Variants in GALNT13 observed in about 807,000 individuals in gnomAD.
GALNT13 encodes the protein UDP-GalNAc:polypeptide N-acetylgalactosaminyltransferase 13.
In GALNT13, 28 loss-of-function variants were observed where a neutral mutation model predicts 64.2. The ratio of observed to expected loss-of-function variants is 0.44; its 90% CI spans 0.32 to 0.60. The LOEUF (loss-of-function observed/expected upper bound fraction) is 0.60. GALNT13 is among the 20% of genes least tolerant of loss of function. GALNT13 has a pLI of 0.05. For synonymous variants in GALNT13, 214 were observed against 224.6 expected (o/e 0.95, Z 0.42); for missense variants, 577 against 669.8 (o/e 0.86, Z 1.53).
intron 3 of GALNT13, among the ~76,000 whole-genome samples, chr2:153,962,592 T>C (rs1325074817): frequency 6.6e-6 from 1 of 152,244 alleles, no homozygotes; most frequent in Admixed American, 6.5e-5. Context: ...ACAGAACTCA[T>C]GGTTTAGCCA....
intron 3 of GALNT13, among the ~76,000 whole-genome samples, chr2:154,123,507 T>A (rs1158392132): frequency 6.6e-6 from 1 of 151,912 alleles, no homozygotes; most frequent in East Asian, 1.9e-4. Context: ...TAGACCCTTT[T>A]AAAAAGGCAC....
chr2:153,124,737 C>T, the GALNT13 span, among the ~76,000 whole-genome samples: 2 of 151,974 alleles, frequency 1.3e-5, no homozygotes, highest in Admixed American at 6.6e-5. Flanking sequence ...CTCTTGACCT[C>T]GTGATCTGCC....
At chr2:154,114,665 A>AG (rs1455287815) in intron 3 of GALNT13, among the ~76,000 whole-genome samples, 1 of 152,154 alleles carries the variant, frequency 6.6e-6, no homozygotes, top group Non-Finnish European at 1.5e-5. Flanking sequence ...AAATTGATTG[A>AG]GGGGCCATGT....
At chr2:154,142,902 C>CA (rs1427640627) in intron 4 of GALNT13, among the ~76,000 whole-genome samples, 2 of 151,626 alleles carry the variant, frequency 1.3e-5, no homozygotes, top group African/African-American at 4.8e-5. Context: ...TAAGCATATA[C>CA]AAAAAATATA....
the GALNT13 span, among the ~76,000 whole-genome samples, chr2:153,472,450 T>C: frequency 6.6e-6 from 1 of 151,836 alleles, no homozygotes; most frequent in Admixed American, 6.6e-5. Context: ...TGCCAGTGTT[T>C]TGTGGTTCAA....
At chr2:153,841,053 G>C in the GALNT13 span, among the ~76,000 whole-genome samples, 1 of 152,058 alleles carries the variant, frequency 6.6e-6, no homozygotes, top group East Asian at 1.9e-4. Context: ...AAAAATGTTA[G>C]AATCAGTCTT....
chr2:153,604,189 C>T, the GALNT13 span, among the ~76,000 whole-genome samples: 1 of 152,058 alleles, frequency 6.6e-6, no homozygotes, highest in Non-Finnish European at 1.5e-5. Context: ...ATTCTGACAA[C>T]TTCTGGGGCT....
chr2:153,282,223 T>G, the GALNT13 span, among the ~76,000 whole-genome samples: 1 of 152,194 alleles, frequency 6.6e-6, no homozygotes, highest in Non-Finnish European at 1.5e-5. Context: ...AGTTTTTCAA[T>G]TCCAAATGCT....
the GALNT13 span, among the ~76,000 whole-genome samples, chr2:153,139,830 C>T: frequency 2.0e-5 from 3 of 151,838 alleles, no homozygotes; most frequent in Non-Finnish European, 4.4e-5. Context: ...GGAGTAATTG[C>T]TTGAGTAATG....
At chr2:153,602,855 C>G in the GALNT13 span, among the ~76,000 whole-genome samples, 40,804 of 151,594 alleles carry the variant, frequency 0.27, 5,881 homozygotes, top group South Asian at 0.42. Context: ...AAAAAGTAAG[C>G]TGTAAAGATC....
chr2:153,086,064 C>CT, the GALNT13 span, among the ~76,000 whole-genome samples: 1 of 152,148 alleles, frequency 6.6e-6, no homozygotes, highest in East Asian at 1.9e-4. Context: ...GGATTTTGGA[C>CT]TTTCATGGGG....
the GALNT13 span, among the ~76,000 whole-genome samples, chr2:153,240,692 C>T: frequency 6.6e-6 from 1 of 152,106 alleles, no homozygotes; most frequent in Non-Finnish European, 1.5e-5. Flanking sequence ...TAACTGCAGC[C>T]CTATCACATT....
intron 2 of GALNT13, among the ~76,000 whole-genome samples, chr2:153,914,215 C>T (rs1689173522): frequency 6.6e-6 from 1 of 152,106 alleles, no homozygotes. Context: ...TGCTCTTGTT[C>T]ACAAATCAAA....
the GALNT13 span, among the ~76,000 whole-genome samples, chr2:153,727,836 G>A: frequency 6.6e-6 from 1 of 151,890 alleles, no homozygotes; most frequent in African/African-American, 2.4e-5. Flanking sequence ...CAATCAACCC[G>A]TCATTCAGGT....
chr2:153,451,554 A>C, the GALNT13 span, among the ~76,000 whole-genome samples: 1 of 152,302 alleles, frequency 6.6e-6, no homozygotes, highest in African/African-American at 2.4e-5. Context: ...AATTTGCCCA[A>C]GTTTATGCAG....
chr2:154,029,483 C>T (rs1399882230), intron 3 of GALNT13, among the ~76,000 whole-genome samples: 1 of 152,114 alleles, frequency 6.6e-6, no homozygotes, highest in African/African-American at 2.4e-5. Flanking sequence ...AATTTGAAGC[C>T]TGTGATGCCA....
intron 2 of GALNT13, among the ~76,000 whole-genome samples, chr2:153,914,139 G>C (rs1157874578): frequency 1.3e-5 from 2 of 152,080 alleles, no homozygotes; most frequent in African/African-American, 4.8e-5. Context: ...TGTATTTTCT[G>C]TGTCTTATTG....
At chr2:154,404,204 C>T (rs1449539320) in intron 10 of GALNT13, among the ~76,000 whole-genome samples, 2 of 152,118 alleles carry the variant, frequency 1.3e-5, no homozygotes, top group African/African-American at 4.8e-5. Context: ...ACTACAAAAC[C>T]ACATTGAATG....
the GALNT13 span, among the ~76,000 whole-genome samples, chr2:153,525,045 G>A: frequency 6.6e-6 from 1 of 152,124 alleles, no homozygotes; most frequent in East Asian, 1.9e-4. Flanking sequence ...CTTGCATTCT[G>A]GATACCAGAT....
Sources: gnomAD v4.1 joint callset for allele counts (sites outside exome capture counted in the v4.1 genomes callset) on GRCh38, gnomAD v4.1.1 for gene constraint, MANE v1.5 for transcripts, NCBI Gene and HGNC (gene_info 2026-07-23, HGNC 2026-07-21) for gene names.